The following PCDHA1 variants were observed in gnomAD, a reference collection of about 807,000 sequenced individuals.
The protein encoded by PCDHA1 is protocadherin alpha 1.
In PCDHA1, 42 loss-of-function variants were observed where a neutral mutation model predicts 61.3. The ratio of observed to expected loss-of-function variants is 0.69; its 90% CI spans 0.54 to 0.89. PCDHA1 has a LOEUF of 0.89. Ranked by LOEUF, PCDHA1 falls within the 40% of genes least tolerant of loss-of-function variation. PCDHA1 has a pLI of 0.00. For missense variants in PCDHA1, 1,256 were observed against 1,235.3 expected (o/e 1.02, Z -0.25); for synonymous variants, 610 against 553.8 (o/e 1.10, Z -1.43).
chr5:140,892,498 T>G (rs937078713), intron 1 of PCDHA1, among the ~76,000 whole-genome samples: 3 of 152,232 alleles, frequency 2.0e-5, no homozygotes, highest in Non-Finnish European at 4.4e-5. Flanking sequence ...AGAGATTGTT[T>G]AAGAAGTTCC....
chr5:140,786,193 G>A lies in PCDHA1; in HGVS notation c.-98G>A. ...TCCATTTTGTCACCGCCTGAGAGAA[G>A]ACAGAAACGGTAAAGAGATAAATGA... On this transcript the variant is annotated 5_prime_UTR_variant, in exon 1 of 4. Transcript: ENST00000504120. 5 of 1,456,176 alleles carry A rather than the reference G, an allele frequency of 3.4e-6. No homozygotes were observed. The South Asian group carries it at 7.0e-5, about 20-fold the overall frequency. 90.2% of individuals were successfully genotyped at this position (1,456,176 alleles called of 1,614,324 possible). A position where few individuals can be genotyped will look rare whatever the true frequency, so the allele number is the denominator to read the frequency against.
intron 1 of PCDHA1, chr5:140,807,237 T>C (rs781879266): frequency 3.1e-6 from 5 of 1,614,076 alleles, no homozygotes; most frequent in Non-Finnish European, 4.2e-6. Flanking sequence ...CTGCTGCTCT[T>C]ACTTCTTCTC....
intron 1 of PCDHA1, chr5:140,852,221 T>C: frequency 1.6e-6 from 1 of 623,256 alleles, no homozygotes; most frequent in Non-Finnish European, 2.1e-6. Context: ...AATATTTTAA[T>C]TTTTAAATTT....
chr5:140,966,893 C>CA (rs1554228863), intron 1 of PCDHA1: 3 of 1,595,686 alleles, frequency 1.9e-6, no homozygotes, highest in African/African-American at 1.3e-5. Context: ...TGCGGCCTCC[C>CA]AGCTGCGATA....
rs1230076426 is a variant in PCDHA1 at position 140,786,989 on chromosome 5, C to T, written c.699C>T (p.Leu233=). 5.1e-5 allele frequency: 82 copies of T among 1,613,952 alleles called. No homozygotes were observed. Among genetic ancestry groups the T allele is most frequent in the Non-Finnish European group, 6.8e-5 (80 of 1,180,010 alleles). The change falls in exon 1 of 4, where the codon CTC becomes CTT. Residue 233 remains leucine, a synonymous_variant. Transcript: ENST00000504120. ...QGTVELLITV[L]DVNDNAPLFD... is the part of the protein sequence containing the mutation. ...CAGTTGAGCTGCTGATCACCGTCCTCGACGTTAATGATAACGCCCCACTGT... is the reference window on the plus strand; with the variant it reads ...CAGTTGAGCTGCTGATCACCGTCCTTGACGTTAATGATAACGCCCCACTGT...
chr5:140,958,295 C>A (rs1405336220), intron 1 of PCDHA1, among the ~76,000 whole-genome samples: 1 of 151,884 alleles, frequency 6.6e-6, no homozygotes, highest in African/African-American at 2.4e-5. Context: ...TATTATTGAA[C>A]TTAATTAAAA....
At chr5:140,871,314 G>T in intron 1 of PCDHA1, 2 of 1,614,048 alleles carry the variant, frequency 1.2e-6, no homozygotes, top group Non-Finnish European at 1.7e-6. Flanking sequence ...GGAAGCCCAC[G>T]CTGGTGTGCT....
intron 1 of PCDHA1, among the ~76,000 whole-genome samples, chr5:140,826,585 A>ATAAATT (rs1196363952): frequency 6.6e-6 from 1 of 152,170 alleles, no homozygotes; most frequent in Non-Finnish European, 1.5e-5. Flanking sequence ...CTTCAAATGG[A>ATAAATT]TAACATTAAG....
At chr5:140,990,552 C>G (rs1379026755) in intron 3 of PCDHA1, among the ~76,000 whole-genome samples, 5 of 152,130 alleles carry the variant, frequency 3.3e-5, no homozygotes, top group African/African-American at 1.2e-4. Flanking sequence ...CTGTATTACC[C>G]AAGAACACAC....
chr5:140,814,169 A>T (rs1460326718), intron 1 of PCDHA1: 1 of 152,170 alleles, frequency 6.6e-6, no homozygotes, highest in African/African-American at 2.4e-5. Flanking sequence ...TTATTTTACA[A>T]GTTTTTTTGA....
chr5:140,889,067 C>T (rs1169049844), intron 1 of PCDHA1, among the ~76,000 whole-genome samples: 1 of 151,942 alleles, frequency 6.6e-6, no homozygotes, highest in Admixed American at 6.6e-5. Flanking sequence ...TAATATACTA[C>T]TTATTTTGTT....
intron 1 of PCDHA1, among the ~76,000 whole-genome samples, chr5:140,881,159 T>A (rs1375537883): frequency 6.6e-6 from 1 of 152,188 alleles, no homozygotes; most frequent in Non-Finnish European, 1.5e-5. Context: ...AAAAGTAAGA[T>A]CCTCTTCCTC....
intron 1 of PCDHA1, among the ~76,000 whole-genome samples, chr5:140,950,430 A>T (rs1312660380): frequency 6.6e-6 from 1 of 151,876 alleles, no homozygotes; most frequent in Admixed American, 6.6e-5. Context: ...TCTTCCACTT[A>T]AAAAAAATGT....
intron 1 of PCDHA1, chr5:140,847,418 T>C (rs1171051220): frequency 6.7e-6 from 1 of 149,686 alleles, no homozygotes; most frequent in Non-Finnish European, 1.5e-5. Context: ...CTCACGGTTT[T>C]GCCTTTAGAC....
At chr5:140,956,038 A>T in intron 1 of PCDHA1, among the ~76,000 whole-genome samples, 1 of 152,182 alleles carries the variant, frequency 6.6e-6, no homozygotes, top group South Asian at 2.1e-4. Flanking sequence ...CAGCTTAAGA[A>T]GCTTTTGGGC....
At chr5:140,971,641 C>T (rs1554233513) in intron 1 of PCDHA1, among the ~76,000 whole-genome samples, 1 of 152,078 alleles carries the variant, frequency 6.6e-6, no homozygotes, top group African/African-American at 2.4e-5. Context: ...CATGTGCCTA[C>T]ATTAAAAGTA....
At chr5:140,926,183 C>A (rs1287609954) in intron 1 of PCDHA1, among the ~76,000 whole-genome samples, 2 of 151,712 alleles carry the variant, frequency 1.3e-5, no homozygotes, top group African/African-American at 4.8e-5. Context: ...GGAAAGCCCC[C>A]CGCAGCACTT....
rs1563652468 is a variant in PCDHA1, at chr5:141,000,419, A to ATT, written c.2543-9207_2543-9206insTT. ...TCTATATATATATATATATATATAT[A>ATT]TATTTTTTTTTTTTTTTTTTTTTTT... On this transcript the variant is annotated intron_variant, in intron 3 of 3. Transcript: ENST00000504120. 2.1e-3 allele frequency among the ~76,000 whole-genome samples: 126 copies of ATT among 60,978 alleles called. 1 individual carries two copies. The highest frequency in any genetic ancestry group is 3.3e-3 in the African/African-American group (43 of 13,160). The allele number at this position is 60,978 out of a possible 152,430, so 40.0% of individuals were successfully genotyped here. A position where few individuals can be genotyped will look rare whatever the true frequency, so the allele number is the denominator to read the frequency against.
intron 1 of PCDHA1, chr5:140,877,376 G>A: frequency 6.2e-7 from 1 of 1,614,014 alleles, no homozygotes; most frequent in Non-Finnish European, 8.5e-7. Context: ...AGCACGACAC[G>A]CATCCTGGAT....
Sources: allele counts gnomAD v4.1 joint callset (sites outside exome capture counted in the v4.1 genomes callset), GRCh38; gene constraint gnomAD v4.1.1; transcripts MANE v1.5; gene names NCBI Gene and HGNC (gene_info 2026-07-23, HGNC 2026-07-21).